Variants in EFCAB5 observed in about 807,000 individuals in gnomAD.
EFCAB5 encodes the protein EF-hand calcium-binding domain-containing protein 5.
In EFCAB5, 131 loss-of-function variants were observed where a neutral mutation model predicts 167.9. The observed-to-expected ratio is 0.78, with a 90% confidence interval of 0.68 to 0.90. The LOEUF is 0.90. EFCAB5 is among the 40% of genes least tolerant of loss of function. The pLI is 0.00. For synonymous variants in EFCAB5, 574 were observed against 602.8 expected (o/e 0.95, Z 0.70); for missense variants, 1,663 against 1,745.2 (o/e 0.95, Z 0.84).
chr17:30,107,441 T>A (rs1260610664), intron 22 of EFCAB5, among the ~76,000 whole-genome samples: 1 of 152,216 alleles, frequency 6.6e-6, no homozygotes, highest in Non-Finnish European at 1.5e-5. Flanking sequence ...AATACTATCA[T>A]GAATTTGGTA....
chr17:30,053,127 A>C, intron 9 of EFCAB5, 128 bp from the exon 10 acceptor site: 1 of 1,071,416 alleles, frequency 9.3e-7, no homozygotes, highest in Non-Finnish European at 1.3e-6. Flanking sequence ...GATAACTGAT[A>C]TTTATTTAGA....
chr17:30,084,409 C>A (rs935923160), intron 18 of EFCAB5, among the ~76,000 whole-genome samples: 8 of 152,160 alleles, frequency 5.3e-5, no homozygotes, highest in Non-Finnish European at 8.8e-5. Flanking sequence ...CATGGAAAAG[C>A]CAAAATAGCC....
At chr17:30,008,589 C>CA (rs879325766) in intron 7 of EFCAB5, among the ~76,000 whole-genome samples, 250 of 136,340 alleles carry the variant, frequency 1.8e-3, no homozygotes, top group African/African-American at 5.9e-3. Context: ...GACTCCATCT[C>CA]AAAAAAAAAA....
chr17:30,055,628 C>A (rs755390177), intron 10 of EFCAB5, among the ~76,000 whole-genome samples: 1 of 152,128 alleles, frequency 6.6e-6, no homozygotes. Flanking sequence ...TAATACCTAG[C>A]TGTGAGGGTG....
At chr17:30,049,373 C>T (rs1028073807) in intron 8 of EFCAB5, among the ~76,000 whole-genome samples, 10 of 151,704 alleles carry the variant, frequency 6.6e-5, no homozygotes, top group Non-Finnish European at 1.0e-4. Flanking sequence ...CCAGCTACTC[C>T]GGAGGCTGAG....
rs1398339885 is a variant in EFCAB5 at position 29,943,039 on chromosome 17, AAAAT to A, written c.106-524_106-521del. 7.2e-3 allele frequency among the ~76,000 whole-genome samples: 561 copies of A among 78,122 alleles called. 5 individuals are homozygous for A. The highest frequency in any genetic ancestry group is 0.021 in the African/African-American group (530 of 25,418). The allele number at this position is 78,122 out of a possible 152,430, so 51.3% of individuals were successfully genotyped here. ...GGCAACAGAGTGAAACTGCATCTCCAAAATATATATATATATATATATATAGTCA... is the reference window on the plus strand; with the variant it reads ...GGCAACAGAGTGAAACTGCATCTCCAATATATATATATATATATATAGTCA... On this transcript the variant is annotated intron_variant, in intron 2 of 22. Transcript: ENST00000394835.
At chr17:30,099,044 C>T (rs1364814221) in intron 22 of EFCAB5, among the ~76,000 whole-genome samples, 1 of 152,230 alleles carries the variant, frequency 6.6e-6, no homozygotes, top group Non-Finnish European at 1.5e-5. Context: ...GTTTATTCAT[C>T]TATCAGTTGA....
intron 8 of EFCAB5, among the ~76,000 whole-genome samples, chr17:30,035,424 T>C (rs1442184343): frequency 1.3e-5 from 2 of 152,236 alleles, no homozygotes; most frequent in Admixed American, 1.3e-4. Flanking sequence ...ATATTGAAAG[T>C]GCAGGGGCAG....
At chr17:30,072,452 C>A (rs1244911204) in intron 14 of EFCAB5, among the ~76,000 whole-genome samples, 1 of 152,114 alleles carries the variant, frequency 6.6e-6, no homozygotes, top group African/African-American at 2.4e-5. Context: ...GAAAAGTACA[C>A]AAGAGTTTTT....
chr17:30,090,299 G>T (rs2071169504), intron 19 of EFCAB5, 122 bp from the exon 20 acceptor site: 2 of 1,292,976 alleles, frequency 1.5e-6, no homozygotes, highest in Non-Finnish European at 2.1e-6. Context: ...AGATGAAACA[G>T]CAAGAAGGGC....
intron 22 of EFCAB5, among the ~76,000 whole-genome samples, chr17:30,103,229 A>AAT (rs147730202): frequency 1.4e-4 from 20 of 147,538 alleles, no homozygotes; most frequent in East Asian, 3.9e-4. Context: ...ATATATTATA[A>AAT]ATATATATAT....
intron 8 of EFCAB5, among the ~76,000 whole-genome samples, chr17:30,038,383 C>G (rs1392337867): frequency 6.6e-6 from 1 of 152,142 alleles, no homozygotes; most frequent in Non-Finnish European, 1.5e-5. Flanking sequence ...GCATGGTTTA[C>G]TGAATATTTT....
chr17:30,009,117 G>C (rs537102424), intron 7 of EFCAB5, among the ~76,000 whole-genome samples: 19 of 152,282 alleles, frequency 1.2e-4, no homozygotes, highest in African/African-American at 3.8e-4. Flanking sequence ...GGTCTACCTA[G>C]ATAATTTAGG....
chr17:30,103,576 G>A (rs1040299914), intron 22 of EFCAB5, among the ~76,000 whole-genome samples: 7 of 152,040 alleles, frequency 4.6e-5, no homozygotes, highest in African/African-American at 1.5e-4. Flanking sequence ...TTAACTCCCC[G>A]TGTAACATTG....
intron 14 of EFCAB5, chr17:30,068,740 C>A: frequency 6.8e-7 from 1 of 1,460,358 alleles, no homozygotes; most frequent in Non-Finnish European, 9.6e-7. Flanking sequence ...CCGGGATGAG[C>A]TGTTCCGCAG....
chr17:30,038,324 G>T (rs1306787675), intron 8 of EFCAB5, among the ~76,000 whole-genome samples: 4 of 152,170 alleles, frequency 2.6e-5, no homozygotes, highest in African/African-American at 9.7e-5. Flanking sequence ...CTCTGCCTGT[G>T]CTCTATAAAG....
chr17:30,049,521 A>G (rs1395012239), intron 8 of EFCAB5, among the ~76,000 whole-genome samples: 2 of 152,128 alleles, frequency 1.3e-5, no homozygotes, highest in Non-Finnish European at 2.9e-5. Context: ...AAAAAACAAA[A>G]GAAATAGGCA....
At chr17:30,050,350 G>T (rs2070055095) in intron 8 of EFCAB5, among the ~76,000 whole-genome samples, 2 of 152,094 alleles carry the variant, frequency 1.3e-5, no homozygotes, top group South Asian at 4.1e-4. Flanking sequence ...GGTCAGGCTG[G>T]TCTCGAACTC....
At position 29,993,216 on chromosome 17, in the gene EFCAB5, C is replaced by T; in HGVS notation, c.819C>T (p.Ser273=). 1 of 1,613,408 alleles carries T rather than the reference C, an allele frequency of 6.2e-7. No individual in the cohort carries two copies. Among genetic ancestry groups the T allele is most frequent in the Admixed American group, 1.7e-5 (1 of 59,958 alleles). Reference sequence around the variant, plus strand: ...AACAGAATAGAAAACAAAGAGAAAGCATAGACAAAATCATAGTCAAGGTGG... The same window carrying T: ...AACAGAATAGAAAACAAAGAGAAAGTATAGACAAAATCATAGTCAAGGTGG... ...NVKQNRKQRE[S]IDKIIVKVAN... Residue 273 remains serine, a synonymous_variant, in exon 5 of 23, where the codon AGC becomes AGT. Transcript: ENST00000394835.
Sources: allele counts gnomAD v4.1 joint callset (sites outside exome capture counted in the v4.1 genomes callset), GRCh38; gene constraint gnomAD v4.1.1; transcripts MANE v1.5; gene names NCBI Gene and HGNC (gene_info 2026-07-23, HGNC 2026-07-21).